Variants in RALGAPA2 observed in about 807,000 individuals in gnomAD.
The protein encoded by RALGAPA2 is Ral GTPase activating protein catalytic subunit alpha 2.
Under a neutral mutation model 230.4 loss-of-function variants are expected in RALGAPA2, and 139 were observed. That is an observed-to-expected ratio of 0.60 (90% CI 0.53 to 0.69). RALGAPA2 has a LOEUF of 0.69. RALGAPA2 is among the 30% of genes least tolerant of loss of function. The pLI is 0.00. For synonymous variants in RALGAPA2, 847 were observed against 837.8 expected (o/e 1.01, Z -0.19); for missense variants, 2,163 against 2,276.0 (o/e 0.95, Z 1.01).
intron 5 of RALGAPA2, among the ~76,000 whole-genome samples, chr20:20,642,968 G>A (rs1424548291): frequency 2.6e-5 from 4 of 152,066 alleles, no homozygotes. Flanking sequence ...AGAAGTATAT[G>A]TTATAATAAA....
At chr20:20,591,726 T>C (rs2065297424) in intron 16 of RALGAPA2, among the ~76,000 whole-genome samples, 1 of 151,694 alleles carries the variant, frequency 6.6e-6, no homozygotes, top group South Asian at 2.1e-4. Context: ...TGAAGGAAGA[T>C]GAAAGGAAAT....
Position 20,653,522 on chromosome 20 carries a change from G to A in RALGAPA2, c.328+8C>T, listed in dbSNP as rs374674217. The A allele has an allele frequency of 1.7e-4, 249 of 1,453,896 alleles. 1 individual carries two copies. In the Middle Eastern group the frequency reaches 4.5e-3, roughly 26 times the overall value. The allele number at this position is 1,453,896 out of a possible 1,614,324, so 90.1% of individuals were successfully genotyped here. A position where few individuals can be genotyped will look rare whatever the true frequency, so the allele number is the denominator to read the frequency against. On this transcript the variant is annotated splice_region_variant and intron_variant, in intron 4 of 39. Transcript: ENST00000202677. ...TCATATTACTAAAAAATTTTTAATT[G>A]TTCTTACCTATACTCTGGTAATGCC... is the stretch of plus-strand genomic sequence containing the variant.
intron 24 of RALGAPA2, among the ~76,000 whole-genome samples, chr20:20,545,936 T>C (rs904121576): frequency 1.3e-5 from 2 of 152,166 alleles, no homozygotes; most frequent in Admixed American, 6.6e-5. Context: ...CATAATGGCG[T>C]GTACCTGCAG....
Position 20,633,280 on chromosome 20 carries a change from G to A in RALGAPA2, c.1005+2138C>T, listed in dbSNP as rs139468777. The stretch of plus-strand genomic sequence containing the variant: ...TTCCCGAGTAGCTGGGATTACAGAC[G>A]CCTACCACCACGCCCAGCTAATTTT... On this transcript the variant is annotated intron_variant, in intron 9 of 39. Coordinates refer to ENST00000202677, the MANE Select transcript of RALGAPA2 (RefSeq NM_020343.4). Among the ~76,000 whole-genome samples the A allele has an allele frequency of 4.7e-3, 710 of 152,036 alleles. 2 individuals carry two copies. Among genetic ancestry groups the A allele is most frequent in the Admixed American group, 6.7e-3 (102 of 15,256 alleles).
At position 20,512,223 on chromosome 20, in the gene RALGAPA2, C is replaced by CCACACACA. The variant is rs2062727247; in HGVS notation, c.4856+289_4856+290insTGTGTGTG. On this transcript the variant is annotated intron_variant, in intron 32 of 39. Coordinates refer to ENST00000202677, the MANE Select transcript of RALGAPA2 (RefSeq NM_020343.4). ...AAACAAACAACAACAACAACCCCCC[C>CCACACACA]TACACACACACACACATACACACAC... 1.6e-4 allele frequency among the ~76,000 whole-genome samples: 22 copies of CCACACACA among 135,704 alleles called. No homozygotes were observed. In the South Asian group the frequency reaches 5.1e-3, roughly 31 times the overall value. 89.0% of individuals were successfully genotyped at this position (135,704 alleles called of 152,430 possible). A position where few individuals can be genotyped will look rare whatever the true frequency, so the allele number is the denominator to read the frequency against.
At chr20:20,504,763 T>A (rs2062481234) in intron 34 of RALGAPA2, among the ~76,000 whole-genome samples, 1 of 151,930 alleles carries the variant, frequency 6.6e-6, no homozygotes, top group Non-Finnish European at 1.5e-5. Context: ...AAGTAAATTA[T>A]TTTAGATATG....
intron 37 of RALGAPA2, among the ~76,000 whole-genome samples, chr20:20,426,295 G>C (rs930817309): frequency 6.6e-6 from 1 of 152,112 alleles, no homozygotes; most frequent in Non-Finnish European, 1.5e-5. Context: ...TGTCAAGATT[G>C]GTCATGAAAA....
At chr20:20,402,183 C>T (rs1414113881) in intron 38 of RALGAPA2, among the ~76,000 whole-genome samples, 1 of 152,230 alleles carries the variant, frequency 6.6e-6, no homozygotes, top group African/African-American at 2.4e-5. Flanking sequence ...ACCAGCCTGC[C>T]TCCATTCCTC....
intron 23 of RALGAPA2, among the ~76,000 whole-genome samples, chr20:20,550,057 T>C (rs1415271380): frequency 1.3e-5 from 2 of 152,148 alleles, no homozygotes; most frequent in African/African-American, 2.4e-5. Context: ...AGTTCTTTAG[T>C]GGTGATTTGT....
chr20:20,588,877 T>C (rs2065207241), intron 18 of RALGAPA2, among the ~76,000 whole-genome samples: 1 of 151,848 alleles, frequency 6.6e-6, no homozygotes, highest in Non-Finnish European at 1.5e-5. Flanking sequence ...TTGTTTTTTG[T>C]TTTTTTTAAG....
At chr20:20,521,423 G>A (rs962150709) in intron 30 of RALGAPA2, among the ~76,000 whole-genome samples, 8 of 152,100 alleles carry the variant, frequency 5.3e-5, no homozygotes, top group African/African-American at 1.9e-4. Context: ...GGGGATGAAG[G>A]GTAGTGGTGG....
rs765163239 is a variant in RALGAPA2, at chr20:20,512,641, CTG to C, written c.4726_4727del (p.Gln1576GlufsTer3). 16 of 1,613,978 alleles carry C rather than the reference CTG, an allele frequency of 9.9e-6. No homozygotes were observed. The highest frequency in any genetic ancestry group is 1.1e-5 in the Non-Finnish European group (13 of 1,179,878). On this transcript the variant is annotated frameshift_variant, in exon 32 of 40. Transcript: ENST00000202677. LOFTEE classifies it high-confidence loss of function. ...RQNAQEDEYI[Q>X]SHNFDSAMKV... is the part of the protein sequence containing the mutation. ...TCATTGCAGAATCGAAGTTATGACT[CTG>C]GATATACTCATCCTCTTGAGCATTT...
At chr20:20,404,730 A>G (rs1456845759) in intron 38 of RALGAPA2, among the ~76,000 whole-genome samples, 1 of 152,222 alleles carries the variant, frequency 6.6e-6, no homozygotes, top group Non-Finnish European at 1.5e-5. Flanking sequence ...GCGTCCCCTG[A>G]GCTGTAATTA....
rs74774074 is a variant in RALGAPA2 at position 20,573,723 on chromosome 20, T to C, written c.2708-655A>G. 5.3e-3 allele frequency among the ~76,000 whole-genome samples: 810 copies of C among 152,310 alleles called. 8 individuals carry two copies. The highest frequency in any genetic ancestry group is 0.019 in the African/African-American group (773 of 41,576). ...ACAGTTTGTAGCCTGTCTGGTTTCT[T>C]TCACTCAGCAAAATGCATTTGAGAT... On this transcript the variant is annotated intron_variant, in intron 20 of 39. Coordinates refer to ENST00000202677, the MANE Select transcript of RALGAPA2 (RefSeq NM_020343.4).
At chr20:20,606,487 G>C (rs1288496029) in intron 14 of RALGAPA2, among the ~76,000 whole-genome samples, 1 of 152,138 alleles carries the variant, frequency 6.6e-6, no homozygotes, top group Non-Finnish European at 1.5e-5. Flanking sequence ...TTCTCTCAGT[G>C]CCTTCACCTG....
intron 23 of RALGAPA2, among the ~76,000 whole-genome samples, chr20:20,563,856 A>G (rs1023897618): frequency 2.0e-5 from 3 of 151,920 alleles, no homozygotes; most frequent in African/African-American, 7.3e-5. Flanking sequence ...CACAAAACAC[A>G]TATGTGCATA....
intron 37 of RALGAPA2, among the ~76,000 whole-genome samples, chr20:20,424,874 G>C (rs540984228): frequency 3.3e-5 from 5 of 150,728 alleles, no homozygotes; most frequent in Admixed American, 1.3e-4. Context: ...AGTATAAAAA[G>C]AGTAGACAAT....
rs2059774862 is a variant in RALGAPA2 at position 20,398,994 on chromosome 20, G to A, written c.5618-2260C>T. Among the ~76,000 whole-genome samples, 1 of 152,124 alleles carries A rather than the reference G, an allele frequency of 6.6e-6. No homozygotes were observed. The highest frequency in any genetic ancestry group is 1.5e-5 in the Non-Finnish European group (1 of 68,008). ...GTTTCTGTGGTGTTTCAGGGGAGGG[G>A]ACAAATTAGGAAACCAAAATGTCTC... On this transcript the variant is annotated intron_variant, in intron 38 of 39. Coordinates refer to ENST00000202677, the MANE Select transcript of RALGAPA2 (RefSeq NM_020343.4). The surrounding 1 kb of genome is among the most constrained non-coding windows in gnomAD (Gnocchi z 4.5).
intron 36 of RALGAPA2, 123 bp from the exon 37 acceptor site, chr20:20,473,079 G>A (rs1294089359): frequency 1.3e-5 from 14 of 1,057,210 alleles, no homozygotes; most frequent in Admixed American, 5.9e-5. Context: ...CAGAGCAGAC[G>A]CTGACCTTAA....
Sources: allele counts gnomAD v4.1 joint callset (sites outside exome capture counted in the v4.1 genomes callset), GRCh38; gene constraint gnomAD v4.1.1; non-coding constraint Gnocchi (gnomAD v3.1); transcripts MANE v1.5; gene names NCBI Gene and HGNC (gene_info 2026-07-23, HGNC 2026-07-21).